Variants in ADCYAP1 observed in about 807,000 individuals in gnomAD.
ADCYAP1 encodes pituitary adenylate cyclase-activating polypeptide.
ADCYAP1 carries 6 observed loss-of-function variants against 18.5 expected under a neutral mutation model. The ratio of observed to expected loss-of-function variants is 0.32; its 90% confidence interval spans 0.18 to 0.64. ADCYAP1 has a LOEUF of 0.64. Among genes scored for constraint, ADCYAP1 ranks in the 30% least tolerant of loss-of-function variants. The pLI is 0.77. For synonymous variants in ADCYAP1, 136 were observed against 113.9 expected, an observed-to-expected ratio of 1.19 and a Z score of -1.24; for missense variants, 314 against 253.6, an observed-to-expected ratio of 1.24 and a Z score of -1.62.
rs1909104206 is a variant in ADCYAP1, at chr18:904,984, C to G, written c.-78C>G. On this transcript the variant is annotated 5_prime_UTR_variant, in exon 1 of 5. Coordinates refer to ENST00000450565, the MANE Select transcript of ADCYAP1 (RefSeq NM_001099733.2). ...CGGCGATGCCTCTCGGGTGGTGACTCCAGCGCAGGAACTTGAAGAAGCGCT... is the reference window on the plus strand; with the variant it reads ...CGGCGATGCCTCTCGGGTGGTGACTGCAGCGCAGGAACTTGAAGAAGCGCT... The G allele has an allele frequency of 7.7e-7, 1 of 1,291,936 alleles. No homozygotes were observed. The highest frequency in any genetic ancestry group is 1.2e-5 in the South Asian group (1 of 80,986). 80.0% of individuals were successfully genotyped at this position (1,291,936 alleles called of 1,614,324 possible).
intron 2 of ADCYAP1, chr18:905,813 A>G: frequency 2.1e-5 from 9 of 422,654 alleles, no homozygotes; most frequent in Non-Finnish European, 1.7e-5. Context: ...CACGGCCCCT[A>G]GCTTGGTTTC....
In ADCYAP1 at chr18:909,485, G is replaced by T. The variant is rs1323522418; in HGVS notation, c.381G>T (p.Pro127=). Residue 127 remains proline (P), a synonymous_variant, in exon 5 of 5, where the codon CCG becomes CCT. Transcript: ENST00000450565. ...LGGGAGDDAE[P]LSKRHSDGIF... ...GCGGCGCGGGGGACGACGCGGAGCCGCTCTCCAAGCGCCACTCGGACGGGA... is the reference window on the plus strand; with the variant it reads ...GCGGCGCGGGGGACGACGCGGAGCCTCTCTCCAAGCGCCACTCGGACGGGA... 1 of 1,613,114 alleles carries T rather than the reference G, an allele frequency of 6.2e-7. No individual in the cohort carries two copies. Among genetic ancestry groups the T allele is most frequent in the South Asian group, 1.1e-5 (1 of 91,000 alleles).
In ADCYAP1 at chr18:907,655, G is replaced by A. The variant is rs1398142903; in HGVS notation, c.111-4G>A. On this transcript the variant is annotated splice_polypyrimidine_tract_variant and splice_region_variant and intron_variant, in intron 2 of 4. Coordinates refer to ENST00000450565, the MANE Select transcript of ADCYAP1 (RefSeq NM_001099733.2). ...CACACCTTCTGTCCCCGGCCACCCC[G>A]CAGGCCAGAGGAAGAGGCGTACGGC... 3 of 1,580,972 alleles carry A rather than the reference G, an allele frequency of 1.9e-6. No individual in the cohort carries two copies. Among genetic ancestry groups the A allele is most frequent in the East Asian group, 2.3e-5 (1 of 42,936 alleles).
chr18:905,640 T>TGGC, intron 2 of ADCYAP1, 144 bp downstream of exon 2: 1 of 1,003,982 alleles, frequency 1.0e-6, no homozygotes, highest in Non-Finnish European at 1.4e-6. Context: ...CAGCCTCGGC[T>TGGC]GGACAGCGGG....
chr18:906,496 A>G (rs1475407118), intron 2 of ADCYAP1: 1 of 152,332 alleles, frequency 6.6e-6, no homozygotes, highest in African/African-American at 2.4e-5. Context: ...TGGGTTCTGT[A>G]TTAGGATTCC....
At position 911,401 on chromosome 18, in the gene ADCYAP1, A is replaced by G. The variant is rs1909383638; in HGVS notation, c.*1766A>G. 6.6e-6 allele frequency: 1 copy of G among 151,380 alleles called. No individual in the cohort carries two copies. The highest frequency in any genetic ancestry group is 2.4e-5 in the African/African-American group (1 of 41,254). 9.4% of individuals were successfully genotyped at this position (151,380 alleles called of 1,614,324 possible). A position where few individuals can be genotyped will look rare whatever the true frequency, so the allele number is the denominator to read the frequency against. ...ATTTATTTTTTTATGTTTTGAAAAA[A>G]GAAGATGAAGAAGAAGAAAAAAAAA... On this transcript the variant is annotated 3_prime_UTR_variant, in exon 5 of 5. Transcript: ENST00000450565.
In ADCYAP1 at chr18:910,300, T is replaced by G. The variant is rs955708731; in HGVS notation, c.*665T>G. The G allele has an allele frequency of 5.9e-5, 9 of 152,238 alleles. No individual in the cohort carries two copies. The highest frequency in any genetic ancestry group is 1.3e-4 in the Non-Finnish European group (9 of 68,044). The allele number at this position is 152,238 out of a possible 1,614,324, so 9.4% of individuals were successfully genotyped here. On this transcript the variant is annotated 3_prime_UTR_variant, in exon 5 of 5. Coordinates refer to ENST00000450565, the MANE Select transcript of ADCYAP1 (RefSeq NM_001099733.2). ...CTTTGATTCTCCTTTTATGTGTAGT[T>G]GTCTCTCTTCAGACTCTCAGCCCAG... is the stretch of plus-strand genomic sequence containing the variant.
At position 906,054 on chromosome 18, in the gene ADCYAP1, TG is replaced by T. The variant is rs1909158080; in HGVS notation, c.110+564del. 3.3e-5 allele frequency: 5 copies of T among 153,494 alleles called. No homozygotes were observed. The South Asian group carries it at 6.2e-4, about 19-fold the overall frequency. The allele number at this position is 153,494 out of a possible 1,614,324, so 9.5% of individuals were successfully genotyped here. A position where few individuals can be genotyped will look rare whatever the true frequency, so the allele number is the denominator to read the frequency against. ...CTGCATTTTGAATCCCAGGCTGTCTTGGGGGGCGTGCGGTGGGGAGGGTGTT... is the reference window on the plus strand; with the variant it reads ...CTGCATTTTGAATCCCAGGCTGTCTTGGGGGCGTGCGGTGGGGAGGGTGTT... On this transcript the variant is annotated intron_variant, in intron 2 of 4. Coordinates refer to ENST00000450565, the MANE Select transcript of ADCYAP1 (RefSeq NM_001099733.2).
At position 909,564 on chromosome 18, in the gene ADCYAP1, T is replaced by C; in HGVS notation, c.460T>C (p.Leu154=). Residue 154 remains leucine (L), a synonymous_variant, in exon 5 of 5, where the codon TTG becomes CTG. Transcript: ENST00000450565. ...YRKQMAVKKY[L]AAVLGKRYKQ... is the part of the protein sequence containing the mutation. ...GAAACAAATGGCTGTCAAGAAATAC[T>C]TGGCGGCCGTCCTAGGGAAGAGGTA... is the stretch of plus-strand genomic sequence containing the variant. 1 of 1,614,162 alleles carries C rather than the reference T, an allele frequency of 6.2e-7. No individual in the cohort carries two copies. Among genetic ancestry groups the C allele is most frequent in the Non-Finnish European group, 8.5e-7 (1 of 1,180,024 alleles).
In ADCYAP1 at chr18:909,653, C is replaced by T. The variant is rs1251177234; in HGVS notation, c.*18C>T. On this transcript the variant is annotated 3_prime_UTR_variant, in exon 5 of 5. Coordinates refer to ENST00000450565, the MANE Select transcript of ADCYAP1 (RefSeq NM_001099733.2). ...ATTTGTAGCGATGGGTTACCAGCTA[C>T]CCTGTGTATACAGCCCTGACGCAAT... The T allele has an allele frequency of 6.2e-7, 1 of 1,610,828 alleles. No individual in the cohort carries two copies. The highest frequency in any genetic ancestry group is 1.7e-5 in the Admixed American group (1 of 59,908).
At chr18:905,246 G>T in intron 1 of ADCYAP1, 140 bp from the exon 2 acceptor site, 1 of 1,477,046 alleles carries the variant, frequency 6.8e-7, no homozygotes, top group Non-Finnish European at 8.9e-7. Flanking sequence ...GCGCGCACCG[G>T]CTGTCGCCAA....
At chr18:904,540 G>T (rs774657583), upstream of ADCYAP1, 36 of 1,289,144 alleles carry the variant, frequency 2.8e-5, 1 homozygote, top group South Asian at 3.8e-4. Context: ...TCTGTAACCA[G>T]CGGTAGCAGC....
At chr18:905,595 T>C in intron 2 of ADCYAP1, 99 bp downstream of exon 2, 2 of 1,366,436 alleles carry the variant, frequency 1.5e-6, no homozygotes, top group South Asian at 1.3e-5. Context: ...TCCAGACTAC[T>C]AGCATCGCCC....
At chr18:905,664 C>T (rs1297647357) in intron 2 of ADCYAP1, 168 bp downstream of exon 2, 2 of 825,824 alleles carry the variant, frequency 2.4e-6, no homozygotes, top group East Asian at 5.4e-5. Flanking sequence ...CCATTCTAGC[C>T]GAGGGTCTGG....
upstream of ADCYAP1, chr18:904,604 G>A (rs1239549049): frequency 3.2e-6 from 4 of 1,259,502 alleles, no homozygotes; most frequent in Admixed American, 8.3e-5. Context: ...CAGAGAAGGC[G>A]CCGCCGACCC....
rs1461786970 is a variant in ADCYAP1, at chr18:907,758, C to T, written c.210C>T (p.Ala70=). 7 of 1,499,804 alleles carry T rather than the reference C, an allele frequency of 4.7e-6. No individual in the cohort carries two copies. The African/African-American group carries it at 1.0e-4, about 22-fold the overall frequency. 92.9% of individuals were successfully genotyped at this position (1,499,804 alleles called of 1,614,324 possible). A position where few individuals can be genotyped will look rare whatever the true frequency, so the allele number is the denominator to read the frequency against. The change falls in exon 3 of 5, where the codon GCC becomes GCT. Residue 70 remains alanine (A), a synonymous_variant. Transcript: ENST00000450565. ...GAGSPASAPR[A]AAAWYRPAGR... ...GGAGCCCCGCCTCCGCGCCGCGCGC[C>T]GCCGCCGCCTGGTACCGCCCGGCCG...
rs1170809017 is a variant in ADCYAP1, at chr18:905,074, A to G, written c.-2+14A>G. 13 of 1,293,572 alleles carry G rather than the reference A, an allele frequency of 1.0e-5. No homozygotes were observed. The highest frequency in any genetic ancestry group is 1.3e-5 in the Non-Finnish European group (13 of 1,002,858). 80.1% of individuals were successfully genotyped at this position (1,293,572 alleles called of 1,614,324 possible). Reference sequence around the variant, plus strand: ...AGGAGTTGAAGGGTAAGGGAGGGAAAATCTTACCAAAGCGACCGGCTCACT... The same window carrying G: ...AGGAGTTGAAGGGTAAGGGAGGGAAGATCTTACCAAAGCGACCGGCTCACT... On this transcript the variant is annotated intron_variant, in intron 1 of 4. Transcript: ENST00000450565.
At chr18:908,628 C>A (rs1214272037) in intron 4 of ADCYAP1, among the ~76,000 whole-genome samples, 5 of 152,200 alleles carry the variant, frequency 3.3e-5, no homozygotes, top group Admixed American at 3.3e-4. Flanking sequence ...CCAAACCAAA[C>A]CTCTCAGTCA....
At chr18:907,418 G>C in intron 2 of ADCYAP1, 2 of 431,456 alleles carry the variant, frequency 4.6e-6, no homozygotes, top group Non-Finnish European at 4.0e-6. Flanking sequence ...GCCGTGGCCC[G>C]CAGGACGACC....
Sources: gnomAD v4.1 joint callset for allele counts (sites outside exome capture counted in the v4.1 genomes callset) on GRCh38, gnomAD v4.1.1 for gene constraint, MANE v1.5 for transcripts, NCBI Gene and HGNC (gene_info 2026-07-23, HGNC 2026-07-21) for gene names.